Variants in DGKI observed in about 807,000 individuals in gnomAD.
DGKI encodes diacylglycerol kinase iota.
A neutral mutation model predicts 147.5 loss-of-function variants in DGKI; 55 were observed. That is an observed-to-expected ratio of 0.37 (90% CI 0.30 to 0.47). DGKI has a LOEUF of 0.47. DGKI is among the 20% of genes least tolerant of loss of function. The pLI is 1.00. For missense variants in DGKI, 1,007 were observed against 1,323.8 expected, an observed-to-expected ratio of 0.76 and a Z score of 3.71; for synonymous variants, 469 against 477.1, an observed-to-expected ratio of 0.98 and a Z score of 0.22.
At chr7:137,546,495 G>A (rs764233141) in intron 20 of DGKI, among the ~76,000 whole-genome samples, 1 of 152,150 alleles carries the variant, frequency 6.6e-6, no homozygotes, top group African/African-American at 2.4e-5. Flanking sequence ...ACTTCCTTCA[G>A]TTAAACAACA....
intron 10 of DGKI, among the ~76,000 whole-genome samples, chr7:137,602,171 G>A (rs753365235): frequency 4.6e-5 from 7 of 152,136 alleles, no homozygotes; most frequent in Non-Finnish European, 1.0e-4. Context: ...TCTTTGTTCA[G>A]TTTTAGATTC....
chr7:137,497,932 C>T (rs1207246510), intron 21 of DGKI, among the ~76,000 whole-genome samples: 2 of 152,036 alleles, frequency 1.3e-5, no homozygotes, highest in East Asian at 1.9e-4. Context: ...TATAATAAAC[C>T]TGCACATATA....
At chr7:137,685,458 G>C (rs1054902754) in intron 2 of DGKI, among the ~76,000 whole-genome samples, 1 of 152,162 alleles carries the variant, frequency 6.6e-6, no homozygotes, top group Non-Finnish European at 1.5e-5. Context: ...ACAGGGAAGA[G>C]TGCTGGAAGT....
intron 21 of DGKI, among the ~76,000 whole-genome samples, chr7:137,512,480 C>T (rs77953737): frequency 0.046 from 6,938 of 152,242 alleles, 211 homozygotes; most frequent in Non-Finnish European, 0.071. Context: ...GTCTAACTAC[C>T]ATCTGAGCTT....
chr7:137,788,420 G>A (rs1009644758), intron 1 of DGKI, among the ~76,000 whole-genome samples: 3 of 151,510 alleles, frequency 2.0e-5, no homozygotes, highest in Admixed American at 2.0e-4. Flanking sequence ...ACACTCAATT[G>A]CTCCTCCTTC....
intron 23 of DGKI, among the ~76,000 whole-genome samples, chr7:137,472,475 C>T (rs1563040627): frequency 7.2e-6 from 1 of 138,770 alleles, no homozygotes; most frequent in African/African-American, 2.7e-5. Context: ...GTTATATATA[C>T]ATATATATTA....
intron 1 of DGKI, among the ~76,000 whole-genome samples, chr7:137,725,148 A>G (rs927602665): frequency 8.5e-5 from 13 of 152,210 alleles, no homozygotes; most frequent in Admixed American, 7.9e-4. Context: ...CTGCTCTTTA[A>G]TACCACTCCC....
At chr7:137,496,694 T>C (rs1021078325) in intron 21 of DGKI, among the ~76,000 whole-genome samples, 1 of 152,060 alleles carries the variant, frequency 6.6e-6, no homozygotes, top group African/African-American at 2.4e-5. Flanking sequence ...AAACAAGTAA[T>C]GGGAAGAGGA....
intron 5 of DGKI, among the ~76,000 whole-genome samples, chr7:137,653,857 A>T (rs1454812928): frequency 1.3e-5 from 2 of 152,162 alleles, no homozygotes; most frequent in African/African-American, 4.8e-5. Context: ...AATGTTTGGG[A>T]GGCAGTGAGT....
At chr7:137,784,830 A>C (rs2116902308) in intron 1 of DGKI, among the ~76,000 whole-genome samples, 1 of 152,122 alleles carries the variant, frequency 6.6e-6, no homozygotes, top group Admixed American at 6.5e-5. Context: ...ACCCCTCAAA[A>C]CCATATAAGC....
At chr7:137,755,038 G>A (rs912235655) in intron 1 of DGKI, among the ~76,000 whole-genome samples, 3 of 151,978 alleles carry the variant, frequency 2.0e-5, no homozygotes, top group African/African-American at 7.3e-5. Context: ...TTTGCTCTCA[G>A]GGGCATATCT....
chr7:137,803,602 C>T (rs564167912), intron 1 of DGKI, among the ~76,000 whole-genome samples: 3 of 152,186 alleles, frequency 2.0e-5, no homozygotes, highest in South Asian at 2.1e-4. Context: ...TGACTGGACA[C>T]GGCCTTAACA....
chr7:137,397,983 T>C (rs7776538), intron 30 of DGKI, among the ~76,000 whole-genome samples: 45,078 of 152,152 alleles, frequency 0.3, 7,282 homozygotes, highest in Admixed American at 0.36. Flanking sequence ...ATGTTTTGTG[T>C]ATTCATGAAT....
Position 137,387,299 on chromosome 7 carries a change from A to T in DGKI, c.*3921T>A, listed in dbSNP as rs1304703435. The T allele has an allele frequency of 6.6e-6, 1 of 152,010 alleles. No individual in the cohort carries two copies. Among genetic ancestry groups the T allele is most frequent in the Admixed American group, 6.6e-5 (1 of 15,228 alleles). The allele number at this position is 152,010 out of a possible 1,614,324, so 9.4% of individuals were successfully genotyped here. A position where few individuals can be genotyped will look rare whatever the true frequency, so the allele number is the denominator to read the frequency against. ...GAAGGCAACATAAACAATTACAGGA[A>T]CTCTTGGTCATGAATTTTATGACAC... On this transcript the variant is annotated 3_prime_UTR_variant, in exon 33 of 33. Coordinates refer to ENST00000614521, the MANE Select transcript of DGKI (RefSeq NM_001321708.2).
chr7:137,697,950 C>T (rs568876094), intron 1 of DGKI, among the ~76,000 whole-genome samples: 1 of 151,488 alleles, frequency 6.6e-6, no homozygotes, highest in Non-Finnish European at 1.5e-5. Context: ...AGCTATCTAT[C>T]TATCTATCTG....
At chr7:137,434,896 C>T (rs1813223906) in intron 28 of DGKI, among the ~76,000 whole-genome samples, 1 of 152,008 alleles carries the variant, frequency 6.6e-6, no homozygotes, top group Non-Finnish European at 1.5e-5. Context: ...TGAAAGAAGG[C>T]TAACTAAGAA....
At position 137,622,542 on chromosome 7, in the gene DGKI, CTG is replaced by C. The variant is rs140218074; in HGVS notation, c.876+939_876+940del. Among the ~76,000 whole-genome samples the C allele has an allele frequency of 7.5e-3, 1,143 of 152,286 alleles. 14 individuals carry two copies. The highest frequency in any genetic ancestry group is 0.026 in the African/African-American group (1,079 of 41,552). ...TTTAGGCTTATGGGATCATCCACCT[CTG>C]TTGCAATTACTCATCCTTGCCATTG... On this transcript the variant is annotated intron_variant, in intron 7 of 32. Coordinates refer to ENST00000614521, the MANE Select transcript of DGKI (RefSeq NM_001321708.2).
In DGKI at chr7:137,391,352, G is replaced by T; in HGVS notation, c.3058-16C>A. ...GTGTCTTACCCTATACGAAAATAGT[G>T]AGAAAAAAAAAAAGAGAGAGAGAGA... On this transcript the variant is annotated splice_polypyrimidine_tract_variant and intron_variant, in intron 32 of 32. Coordinates refer to ENST00000614521, the MANE Select transcript of DGKI (RefSeq NM_001321708.2). 1 of 1,398,224 alleles carries T rather than the reference G, an allele frequency of 7.2e-7. No individual in the cohort carries two copies. Among genetic ancestry groups the T allele is most frequent in the Non-Finnish European group, 9.6e-7 (1 of 1,043,742 alleles). The allele number at this position is 1,398,224 out of a possible 1,614,324, so 86.6% of individuals were successfully genotyped here. A position where few individuals can be genotyped will look rare whatever the true frequency, so the allele number is the denominator to read the frequency against.
intron 1 of DGKI, among the ~76,000 whole-genome samples, chr7:137,828,253 G>A (rs1798117015): frequency 6.6e-6 from 1 of 152,022 alleles, no homozygotes; most frequent in Admixed American, 6.5e-5. Context: ...ACAACTTTAA[G>A]GTAAAAATCA....
Sources: gnomAD v4.1 joint callset for allele counts (sites outside exome capture counted in the v4.1 genomes callset) on GRCh38, gnomAD v4.1.1 for gene constraint, MANE v1.5 for transcripts, NCBI Gene and HGNC (gene_info 2026-07-23, HGNC 2026-07-21) for gene names.